The following USP34 variants were observed in gnomAD, a reference collection of about 807,000 sequenced individuals.
The protein encoded by USP34 is ubiquitin specific peptidase 34.
USP34 carries 70 observed loss-of-function variants against 460.3 expected under a neutral mutation model. The ratio of observed to expected loss-of-function variants is 0.15; its 90% confidence interval spans 0.13 to 0.19. The LOEUF is 0.19. USP34 is among the 10% of genes least tolerant of loss of function. The probability of loss-of-function intolerance (pLI) is 1.00; values close to 1 mark genes in which losing one functional copy is unlikely to be tolerated. For missense variants in USP34, 3,985 were observed against 4,236.2 expected (o/e 0.94, Z 1.65); for synonymous variants, 1,647 against 1,405.3 (o/e 1.17, Z -3.85).
At chr2:61,332,787 G>A (rs1302272199) in intron 19 of USP34, among the ~76,000 whole-genome samples, 1 of 151,074 alleles carries the variant, frequency 6.6e-6, no homozygotes, top group East Asian at 1.9e-4. Flanking sequence ...GATTCTTACT[G>A]TAGTATTAAC....
At chr2:61,416,362 A>AAAG (rs1694192571) in intron 2 of USP34, among the ~76,000 whole-genome samples, 2 of 152,210 alleles carry the variant, frequency 1.3e-5, no homozygotes, top group Non-Finnish European at 2.9e-5. Context: ...AATATAAAAG[A>AAAG]TACTACTTTT....
chr2:61,311,908 A>T lies in USP34; in HGVS notation c.3545T>A (p.Phe1182Tyr). The T allele has an allele frequency of 6.2e-7, 1 of 1,611,902 alleles. No homozygotes were observed. Among genetic ancestry groups the T allele is most frequent in the Non-Finnish European group, 8.5e-7 (1 of 1,179,502 alleles). Residue 1182 changes from phenylalanine (F) to tyrosine (Y), a missense_variant and splice_region_variant, in exon 26 of 80, where the codon TTT (phenylalanine) becomes TAT (tyrosine). Physicochemically the swap from Phe to Tyr is conservative, Grantham distance 22 (BLOSUM62 3). Transcript: ENST00000398571. ...TTGCCACTGTCTCAGATGATATGCA[A>T]ACCTAAAACATGACACAAACAACAC... Reference protein sequence around the residue: ...KTHLEAFRRRFAYHLRQWQIE... With the variant: ...KTHLEAFRRRYAYHLRQWQIE...
intron 51 of USP34, 82 bp downstream of exon 51, chr2:61,245,128 A>C: frequency 1.0e-6 from 1 of 976,864 alleles, no homozygotes; most frequent in Non-Finnish European, 1.5e-6. Context: ...AAGAAAGTTA[A>C]GCGACTCTGC....
chr2:61,298,375 A>AC (rs1184932672), intron 29 of USP34, among the ~76,000 whole-genome samples: 5 of 142,614 alleles, frequency 3.5e-5, no homozygotes, highest in South Asian at 2.3e-4. Context: ...AAAAAAAAAA[A>AC]AAAAAAAAAA....
chr2:61,441,537 G>T (rs1694962479), intron 1 of USP34, among the ~76,000 whole-genome samples: 1 of 152,032 alleles, frequency 6.6e-6, no homozygotes, highest in Admixed American at 6.6e-5. Flanking sequence ...TCCCTCTCTG[G>T]GGCTAGAGGT....
chr2:61,217,051 A>T (rs1324379689), intron 67 of USP34, among the ~76,000 whole-genome samples: 1 of 152,186 alleles, frequency 6.6e-6, no homozygotes, highest in South Asian at 2.1e-4. Context: ...CCGAGATTCT[A>T]CAATTAACAT....
intron 2 of USP34, among the ~76,000 whole-genome samples, chr2:61,415,701 T>A (rs1426498159): frequency 6.6e-6 from 1 of 152,206 alleles, no homozygotes; most frequent in Non-Finnish European, 1.5e-5. Flanking sequence ...TCCCTGCCAA[T>A]TAATTTTTTT....
chr2:61,426,093 G>T (rs1280533357), intron 1 of USP34, among the ~76,000 whole-genome samples: 1 of 152,092 alleles, frequency 6.6e-6, no homozygotes, highest in African/African-American at 2.4e-5. Flanking sequence ...AACCAGTAGC[G>T]ATATCCAAGT....
chr2:61,436,993 A>C (rs1694831667), intron 1 of USP34, among the ~76,000 whole-genome samples: 1 of 152,248 alleles, frequency 6.6e-6, no homozygotes, highest in Admixed American at 6.5e-5. Flanking sequence ...TCTTGAAACA[A>C]ATGAAAATGC....
At chr2:61,212,962 T>A (rs535660068) in intron 68 of USP34, among the ~76,000 whole-genome samples, 1 of 152,218 alleles carries the variant, frequency 6.6e-6, no homozygotes, top group Non-Finnish European at 1.5e-5. Flanking sequence ...TATTTTGTAT[T>A]CTTATGGCAT....
intron 1 of USP34, among the ~76,000 whole-genome samples, 195 bp from the exon 2 acceptor site, chr2:61,421,028 G>C (rs576639458): frequency 5.4e-4 from 78 of 143,910 alleles, no homozygotes; most frequent in African/African-American, 1.4e-3. Flanking sequence ...TGTAAGGGGT[G>C]GGGGGGGCAG....
chr2:61,261,367 T>C (rs1165315825), intron 43 of USP34, among the ~76,000 whole-genome samples: 1 of 152,176 alleles, frequency 6.6e-6, no homozygotes, highest in Non-Finnish European at 1.5e-5. Flanking sequence ...TGGATAACCC[T>C]TGAAGATATC....
chr2:61,386,237 G>A (rs1484070332), intron 5 of USP34, among the ~76,000 whole-genome samples: 3 of 152,062 alleles, frequency 2.0e-5, no homozygotes, highest in Non-Finnish European at 2.9e-5. Context: ...CAAGATGGAA[G>A]GATCACTTCA....
At chr2:61,465,770 G>A (rs1024779821) in intron 1 of USP34, among the ~76,000 whole-genome samples, 1 of 152,116 alleles carries the variant, frequency 6.6e-6, no homozygotes, top group Non-Finnish European at 1.5e-5. Flanking sequence ...GAGGTCAAGA[G>A]ATCGAGACCA....
intron 27 of USP34, among the ~76,000 whole-genome samples, chr2:61,307,114 A>C (rs1425199145): frequency 2.0e-5 from 3 of 152,140 alleles, no homozygotes; most frequent in Non-Finnish European, 1.5e-5. Context: ...GCACATATAC[A>C]CCATGGAATA....
chr2:61,339,673 C>G lies in USP34; in HGVS notation c.2509G>C (p.Val837Leu), dbSNP rs775404011. The G allele has an allele frequency of 2.0e-6, 3 of 1,474,250 alleles. No individual in the cohort carries two copies. The East Asian group carries it at 7.2e-5, about 36-fold the overall frequency. 91.3% of individuals were successfully genotyped at this position (1,474,250 alleles called of 1,614,324 possible). ...TTACTGTTGAATTGATGTTTATGAA[C>G]TACAGGTCCTGAAGAGAAAAAAAAA... Reference protein sequence around the residue: ...YHEHLSQGPVVHKHQFNSNAV... With the variant: ...YHEHLSQGPVLHKHQFNSNAV... The change falls in exon 17 of 80, where the codon GTT becomes CTT. Residue 837 changes from valine (V) to leucine (L), a missense_variant. Transcript: ENST00000398571.
intron 3 of USP34, among the ~76,000 whole-genome samples, chr2:61,405,232 C>CAAAAAAA (rs199659618): frequency 9.0e-4 from 70 of 78,024 alleles, no homozygotes; most frequent in East Asian, 2.3e-3. Context: ...GACTCCATCT[C>CAAAAAAA]AAAAAAAAAA....
intron 33 of USP34, among the ~76,000 whole-genome samples, chr2:61,290,940 C>T (rs1382693480): frequency 2.0e-5 from 3 of 151,946 alleles, no homozygotes; most frequent in Non-Finnish European, 2.9e-5. Flanking sequence ...AGGACAAGCA[C>T]AAAGGAAAAC....
At chr2:61,380,109 T>G in intron 7 of USP34, 60 bp downstream of exon 7, 1 of 1,477,714 alleles carries the variant, frequency 6.8e-7, no homozygotes. Context: ...TAGTGGGTAG[T>G]ATTATGATAG....
Sources: allele counts gnomAD v4.1 joint callset (sites outside exome capture counted in the v4.1 genomes callset), GRCh38; gene constraint gnomAD v4.1.1; transcripts MANE v1.5; gene names NCBI Gene and HGNC (gene_info 2026-07-23, HGNC 2026-07-21).